PTPRM: variants seen among roughly 807,000 people sequenced by gnomAD.
PTPRM encodes the protein protein tyrosine phosphatase receptor type M.
In PTPRM, 47 loss-of-function variants were observed where a neutral mutation model predicts 186.7. The observed-to-expected ratio is 0.25, with a 90% CI of 0.20 to 0.32. The LOEUF is 0.32. PTPRM is among the 10% of genes least tolerant of loss of function. The pLI is 1.00. For missense variants in PTPRM, 1,494 were observed against 1,865.0 expected, an observed-to-expected ratio of 0.80 and a Z score of 3.66; for synonymous variants, 668 against 674.9, an observed-to-expected ratio of 0.99 and a Z score of 0.16.
At chr18:8,376,855 C>T in intron 26 of PTPRM, 1 of 394,012 alleles carries the variant, frequency 2.5e-6, no homozygotes, top group African/African-American at 2.1e-5. Flanking sequence ...ATTAAGGGAC[C>T]CAAAAAAGTC....
intron 14 of PTPRM, among the ~76,000 whole-genome samples, chr18:8,147,448 TTGTC>T (rs1038419376): frequency 6.6e-6 from 1 of 152,170 alleles, no homozygotes; most frequent in African/African-American, 2.4e-5. Context: ...GGCTCTCTGT[TTGTC>T]TGTTATTGGT....
At chr18:8,328,399 AG>A (rs2148138150) in intron 22 of PTPRM, among the ~76,000 whole-genome samples, 1 of 152,322 alleles carries the variant, frequency 6.6e-6, no homozygotes, top group Admixed American at 6.5e-5. Context: ...TTAAATCAAA[AG>A]CTCAGCCTTC....
chr18:8,059,177 G>C (rs1272490357), intron 7 of PTPRM, among the ~76,000 whole-genome samples: 2 of 150,540 alleles, frequency 1.3e-5, no homozygotes, highest in Non-Finnish European at 3.0e-5. Flanking sequence ...CACATCCCTT[G>C]TAAGTTGGAT....
intron 1 of PTPRM, among the ~76,000 whole-genome samples, chr18:7,633,778 GAT>G (rs2038246573): frequency 6.6e-6 from 1 of 152,136 alleles, no homozygotes. Context: ...GAGTCATCCT[GAT>G]TCCTGTTTCT....
intron 1 of PTPRM, among the ~76,000 whole-genome samples, chr18:7,739,705 G>A (rs1449517169): frequency 6.6e-6 from 1 of 150,956 alleles, no homozygotes; most frequent in Non-Finnish European, 1.5e-5. Flanking sequence ...CCGTCTTATG[G>A]GCCTGCTCCT....
At chr18:8,041,997 G>A (rs1041837049) in intron 7 of PTPRM, among the ~76,000 whole-genome samples, 4 of 152,106 alleles carry the variant, frequency 2.6e-5, no homozygotes, top group Admixed American at 6.6e-5. Flanking sequence ...AAATGAAAGG[G>A]GTTATTATAA....
At chr18:8,228,007 A>G (rs908304879) in intron 14 of PTPRM, among the ~76,000 whole-genome samples, 7 of 152,244 alleles carry the variant, frequency 4.6e-5, no homozygotes, top group African/African-American at 1.7e-4. Context: ...AGGATGACAG[A>G]TACTACATCT....
At chr18:7,996,160 C>CT (rs2083522185) in intron 7 of PTPRM, among the ~76,000 whole-genome samples, 1 of 150,822 alleles carries the variant, frequency 6.6e-6, no homozygotes, top group South Asian at 2.1e-4. Context: ...TCTTTTTTTC[C>CT]TTTTTTTCTT....
intron 14 of PTPRM, among the ~76,000 whole-genome samples, chr18:8,236,568 G>A (rs953175006): frequency 2.6e-5 from 4 of 151,998 alleles, no homozygotes; most frequent in African/African-American, 9.7e-5. Flanking sequence ...TTGAGATGGG[G>A]TCTTGCTATG....
At chr18:7,917,046 G>C (rs2050601431) in intron 4 of PTPRM, among the ~76,000 whole-genome samples, 1 of 152,070 alleles carries the variant, frequency 6.6e-6, no homozygotes, top group Non-Finnish European at 1.5e-5. Flanking sequence ...TTGTCCTTCT[G>C]TGCCTGGCTT....
intron 5 of PTPRM, among the ~76,000 whole-genome samples, chr18:7,932,985 G>A (rs76549622): frequency 0.022 from 3,331 of 152,208 alleles, 123 homozygotes; most frequent in African/African-American, 0.076. Context: ...GTTTTAAATT[G>A]TGCACCATTC....
At chr18:8,152,144 A>G (rs576089615) in intron 14 of PTPRM, among the ~76,000 whole-genome samples, 5 of 152,262 alleles carry the variant, frequency 3.3e-5, no homozygotes, top group African/African-American at 1.2e-4. Context: ...TTTAAGTTCA[A>G]TACTCCTTTA....
At chr18:7,801,524 CT>C (rs1229898975) in intron 2 of PTPRM, among the ~76,000 whole-genome samples, 1 of 151,502 alleles carries the variant, frequency 6.6e-6, no homozygotes, top group South Asian at 2.1e-4. Context: ...GGCTGTTTCA[CT>C]TTTTTTTTCA....
At chr18:7,628,400 T>A (rs2038111913) in intron 1 of PTPRM, among the ~76,000 whole-genome samples, 1 of 152,242 alleles carries the variant, frequency 6.6e-6, no homozygotes, top group African/African-American at 2.4e-5. Context: ...GCAAAGTAGT[T>A]ACTGTCTTTC....
chr18:7,705,897 T>C (rs190779073), intron 1 of PTPRM, among the ~76,000 whole-genome samples: 1 of 150,556 alleles, frequency 6.6e-6, no homozygotes, highest in Non-Finnish European at 1.5e-5. Context: ...GTTTTCATGT[T>C]TTTCTTACAG....
intron 23 of PTPRM, among the ~76,000 whole-genome samples, chr18:8,367,574 C>T (rs1358211595): frequency 1.3e-5 from 2 of 152,266 alleles, no homozygotes; most frequent in African/African-American, 4.8e-5. Flanking sequence ...AGCCGACGCG[C>T]GGGGGCGCCC....
At chr18:8,259,109 C>T (rs1473827260) in intron 19 of PTPRM, among the ~76,000 whole-genome samples, 11 of 152,012 alleles carry the variant, frequency 7.2e-5, no homozygotes, top group South Asian at 2.1e-4. Flanking sequence ...CGACCATGCC[C>T]GGCTCATTTT....
At chr18:7,938,073 A>G (rs550112758) in intron 5 of PTPRM, among the ~76,000 whole-genome samples, 4 of 152,326 alleles carry the variant, frequency 2.6e-5, no homozygotes, top group South Asian at 4.1e-4. Flanking sequence ...AGAACTTACA[A>G]TCTGAACATA....
rs749509344 is a variant in PTPRM at position 7,574,896 on chromosome 18, T to A, written c.73+7005T>A. On this transcript the variant is annotated intron_variant, in intron 1 of 32. Coordinates refer to ENST00000580170, the MANE Select transcript of PTPRM (RefSeq NM_001105244.2). Reference sequence around the variant, plus strand: ...AATACAAAAAAATTAGCCGGGCGTGTTGGTGGGCGCCTGTAGTCCCAGCTA... The same window carrying A: ...AATACAAAAAAATTAGCCGGGCGTGATGGTGGGCGCCTGTAGTCCCAGCTA... 2.0e-5 allele frequency among the ~76,000 whole-genome samples: 3 copies of A among 152,044 alleles called. No homozygotes were observed. The East Asian group carries it at 5.8e-4, about 29-fold the overall frequency.
Sources: gnomAD v4.1 joint callset for allele counts (sites outside exome capture counted in the v4.1 genomes callset) on GRCh38, gnomAD v4.1.1 for gene constraint, MANE v1.5 for transcripts, NCBI Gene and HGNC (gene_info 2026-07-23, HGNC 2026-07-21) for gene names.